The following CD47 variants were observed in gnomAD, a reference collection of about 807,000 sequenced individuals.
The protein encoded by CD47 is CD47 molecule.
In CD47, 11 loss-of-function variants were observed where a neutral mutation model predicts 44.6. That is an observed-to-expected ratio of 0.25 (90% CI 0.16 to 0.41). The LOEUF (loss-of-function observed/expected upper bound fraction) is 0.41. Among genes scored for constraint, CD47 ranks in the 10% least tolerant of loss-of-function variants. The pLI is 1.00. For synonymous variants in CD47, 140 were observed against 136.3 expected (o/e 1.03, Z -0.19); for missense variants, 306 against 386.7 (o/e 0.79, Z 1.75).
chr3:108,082,028 C>T (rs1463398006), intron 1 of CD47, among the ~76,000 whole-genome samples: 2 of 151,840 alleles, frequency 1.3e-5, no homozygotes, highest in African/African-American at 4.8e-5. Flanking sequence ...GAATTATTTC[C>T]CCTGAGAGAG....
intron 1 of CD47, among the ~76,000 whole-genome samples, chr3:108,081,058 C>A (rs1331878811): frequency 6.6e-6 from 1 of 151,772 alleles, no homozygotes; most frequent in Non-Finnish European, 1.5e-5. Context: ...CACTACAGAA[C>A]AACAGTCTCC....
chr3:108,050,612 A>T lies in CD47; in HGVS notation c.910-10T>A. ...GTTCCTCTACAGCTTTCTGAAAAAT[A>T]TTTAAAATATATTTACATAAAAATA... is the stretch of plus-strand genomic sequence containing the variant. On this transcript the variant is annotated splice_polypyrimidine_tract_variant and intron_variant, in intron 8 of 10. Transcript: ENST00000361309. 1 of 972,862 alleles carries T rather than the reference A, an allele frequency of 1.0e-6. No homozygotes were observed. The highest frequency in any genetic ancestry group is 1.6e-6 in the Non-Finnish European group (1 of 644,936). The allele number at this position is 972,862 out of a possible 1,614,324, so 60.3% of individuals were successfully genotyped here.
rs1317664045 is a variant in CD47, at chr3:108,080,187, A to G, written c.204T>C (p.Phe68=). The G allele has an allele frequency of 6.2e-7, 1 of 1,613,150 alleles. No individual in the cohort carries two copies. The highest frequency in any genetic ancestry group is 8.5e-7 in the Non-Finnish European group (1 of 1,179,272). The change falls in exon 2 of 11, where the codon TTT becomes TTC. Residue 68 remains phenylalanine, a synonymous_variant. Coordinates refer to ENST00000361309, the MANE Select transcript of CD47 (RefSeq NM_001777.4). ...WKFKGRDIYT[F]DGALNKSTVP... ...CAGTGGACTTGTTTAGAGCTCCATC[A>G]AAGGTGTAAATATCTCTTCCTTTAA...
intron 3 of CD47, among the ~76,000 whole-genome samples, chr3:108,063,503 T>G (rs1246251410): frequency 6.6e-6 from 1 of 152,124 alleles, no homozygotes; most frequent in Admixed American, 6.5e-5. Context: ...AATTTCTCAG[T>G]ATAGTGAAAG....
chr3:108,052,613 G>C (rs1444593819), intron 7 of CD47: 3 of 152,250 alleles, frequency 2.0e-5, no homozygotes, highest in Non-Finnish European at 2.9e-5. Context: ...AAGGGAAAAA[G>C]AATACCCTAG....
chr3:108,072,444 C>T (rs1314708991), intron 2 of CD47, among the ~76,000 whole-genome samples: 1 of 152,150 alleles, frequency 6.6e-6, no homozygotes, highest in Non-Finnish European at 1.5e-5. Flanking sequence ...ACATCATAAA[C>T]TCTGTTTTAT....
intron 1 of CD47, among the ~76,000 whole-genome samples, chr3:108,089,214 T>G (rs1221755028): frequency 6.6e-6 from 1 of 152,232 alleles, no homozygotes; most frequent in Non-Finnish European, 1.5e-5. Context: ...TATTTTGCTT[T>G]TTTTTTAGGT....
chr3:108,048,498 C>A (rs921844625), intron 10 of CD47, among the ~76,000 whole-genome samples: 2 of 150,384 alleles, frequency 1.3e-5, no homozygotes, highest in Non-Finnish European at 3.0e-5. Flanking sequence ...CATTCTCCTG[C>A]CTCAGCCTCC....
At chr3:108,074,615 G>A (rs1034098473) in intron 2 of CD47, among the ~76,000 whole-genome samples, 2 of 142,948 alleles carry the variant, frequency 1.4e-5, no homozygotes, top group African/African-American at 5.2e-5. Flanking sequence ...CACCTGGCCT[G>A]TCTAAGTGAT....
intron 1 of CD47, among the ~76,000 whole-genome samples, chr3:108,081,414 T>G (rs900936451): frequency 2.0e-5 from 3 of 151,980 alleles, no homozygotes; most frequent in Non-Finnish European, 4.4e-5. Context: ...AAATATCAAC[T>G]TTGTTAATAG....
intron 2 of CD47, among the ~76,000 whole-genome samples, chr3:108,072,327 T>C (rs1037163638): frequency 1.3e-5 from 2 of 152,172 alleles, no homozygotes; most frequent in African/African-American, 4.8e-5. Flanking sequence ...GGTGAGGAAT[T>C]TTCCAGCCTT....
At chr3:108,076,354 T>C (rs911348638) in intron 2 of CD47, among the ~76,000 whole-genome samples, 2 of 152,206 alleles carry the variant, frequency 1.3e-5, no homozygotes, top group Non-Finnish European at 2.9e-5. Context: ...AAAACTCTAA[T>C]AGCTTAGAGA....
At chr3:108,056,509 G>A (rs749294549) in intron 7 of CD47, among the ~76,000 whole-genome samples, 26 of 152,044 alleles carry the variant, frequency 1.7e-4, no homozygotes, top group Middle Eastern at 3.2e-3. Context: ...TTCAAGTTTC[G>A]TATTAAGTTT....
intron 3 of CD47, among the ~76,000 whole-genome samples, chr3:108,065,759 C>T (rs1011851243): frequency 4.5e-5 from 6 of 131,932 alleles, no homozygotes; most frequent in African/African-American, 1.7e-4. Flanking sequence ...TTGCAGTGAG[C>T]CGAGATCACG....
intron 1 of CD47, among the ~76,000 whole-genome samples, chr3:108,087,253 G>A (rs930147092): frequency 3.3e-5 from 5 of 152,130 alleles, no homozygotes; most frequent in African/African-American, 1.2e-4. Context: ...AAAGGATGAA[G>A]TCAGATCTCT....
At chr3:108,090,801 C>G in intron 1 of CD47, 62 bp downstream of exon 1, 1 of 1,413,302 alleles carries the variant, frequency 7.1e-7, no homozygotes, top group Non-Finnish European at 9.3e-7. Flanking sequence ...TGGGGCGCAG[C>G]CCACACGCCC....
chr3:108,081,682 T>C lies in CD47; in HGVS notation c.47-1338A>G, dbSNP rs531509405. ...CTCTAAAATAGGAGGATCTCTTAAG[T>C]AGGAGGATCAAAAACAAACACCGGG... On this transcript the variant is annotated intron_variant, in intron 1 of 10. Transcript: ENST00000361309. Among the ~76,000 whole-genome samples, 9 of 152,080 alleles carry C rather than the reference T, an allele frequency of 5.9e-5. No homozygotes were observed. In the South Asian group the frequency reaches 1.9e-3, roughly 31 times the overall value.
At chr3:108,072,659 A>G (rs1008566526) in intron 2 of CD47, among the ~76,000 whole-genome samples, 2 of 152,142 alleles carry the variant, frequency 1.3e-5, no homozygotes, top group African/African-American at 2.4e-5. Flanking sequence ...GTATAACTGA[A>G]TATCTTCTTA....
intron 1 of CD47, among the ~76,000 whole-genome samples, chr3:108,087,837 T>C (rs1339542529): frequency 1.3e-5 from 2 of 152,206 alleles, no homozygotes; most frequent in Admixed American, 1.3e-4. Flanking sequence ...CAACACTGTA[T>C]AATCGTAAAG....
Sources: gnomAD v4.1 joint callset for allele counts (sites outside exome capture counted in the v4.1 genomes callset) on GRCh38, gnomAD v4.1.1 for gene constraint, MANE v1.5 for transcripts, NCBI Gene and HGNC (gene_info 2026-07-23, HGNC 2026-07-21) for gene names.